Variants in AKR1B15 observed in about 807,000 individuals in gnomAD.
The protein encoded by AKR1B15 is aldo-keto reductase family 1 member B15, also known as estradiol 17-beta-dehydrogenase AKR1B15.
AKR1B15 carries 49 observed loss-of-function variants against 38.5 expected under a neutral mutation model. That is an observed-to-expected ratio of 1.27 (90% CI 1.01 to 1.62). The LOEUF is 1.62. Among genes scored for constraint, AKR1B15 ranks in the 40% most tolerant of loss-of-function variants. The pLI, the probability that AKR1B15 is intolerant of heterozygous loss-of-function variation, is 0.00. For missense variants in AKR1B15, 411 were observed against 381.6 expected, an observed-to-expected ratio of 1.08 and a Z score of -0.64; for synonymous variants, 137 against 135.5, an observed-to-expected ratio of 1.01 and a Z score of -0.08.
intron 3 of AKR1B15, among the ~76,000 whole-genome samples, chr7:134,567,519 A>G (rs1472318366): frequency 6.6e-6 from 1 of 151,626 alleles, no homozygotes; most frequent in Non-Finnish European, 1.5e-5. Context: ...ACAGCATGTC[A>G]TCACCACAAA....
intron 1 of AKR1B15, among the ~76,000 whole-genome samples, chr7:134,552,214 T>C (rs1794009974): frequency 6.6e-6 from 1 of 152,094 alleles, no homozygotes; most frequent in African/African-American, 2.4e-5. Context: ...GGCGTCCATC[T>C]CCTTCTCGGC....
In AKR1B15 at chr7:134,554,964, T is replaced by C. The variant is rs142115995; in HGVS notation, c.-146-1772T>C. Among the ~76,000 whole-genome samples the C allele has an allele frequency of 5.1e-3, 780 of 152,296 alleles. 5 individuals are homozygous for C. Among genetic ancestry groups the C allele is most frequent in the Non-Finnish European group, 9.5e-3 (648 of 68,018 alleles). On this transcript the variant is annotated intron_variant, in intron 1 of 11. Transcript: ENST00000457545. ...CAAGTAGAATGCATGAACCCCATCC[T>C]AAAAAGTACTCTTGCAAAATTAATC...
chr7:134,564,729 A>T lies in AKR1B15; in HGVS notation c.110A>T (p.Asp37Val), dbSNP rs1283653450. The T allele has an allele frequency of 1.4e-6, 1 of 696,146 alleles. No individual in the cohort carries two copies. Among genetic ancestry groups the T allele is most frequent in the Non-Finnish European group, 2.6e-6 (1 of 382,664 alleles). 43.1% of individuals were successfully genotyped at this position (696,146 alleles called of 1,614,324 possible). ...GGCCTAAAGAGTTCCCTTCTGAAGGACACTACAAGTGCAGGGCCCCTTCTT... is the reference window on the plus strand; with the variant it reads ...GGCCTAAAGAGTTCCCTTCTGAAGGTCACTACAAGTGCAGGGCCCCTTCTT... ...LTGLKSSLLK[D>V]TTSAGPLLRP... Residue 37 changes from aspartate to valine, a missense_variant, in exon 3 of 12, where the codon GAC becomes GTC. This residue lies in a region of AKR1B15 where 254 missense variants were observed against 212.4 expected (regional missense o/e 1.20). Coordinates refer to ENST00000457545, the MANE Select transcript of AKR1B15 (RefSeq NM_001080538.3).
intron 5 of AKR1B15, 134 bp downstream of exon 5, chr7:134,569,663 C>T: frequency 1.1e-6 from 1 of 878,328 alleles, no homozygotes; most frequent in Non-Finnish European, 1.8e-6. Flanking sequence ...TTTCTTAATT[C>T]CCCACATTAA....
At chr7:134,579,284 G>A (rs747657503) in intron 11 of AKR1B15, among the ~76,000 whole-genome samples, 2 of 152,104 alleles carry the variant, frequency 1.3e-5, no homozygotes, top group Non-Finnish European at 2.9e-5. Flanking sequence ...TTGTCATTAC[G>A]AGTTTATTCT....
chr7:134,568,288 A>C lies in AKR1B15; in HGVS notation c.281A>C (p.Lys94Thr), dbSNP rs758072997. The C allele has an allele frequency of 1.2e-6, 2 of 1,614,160 alleles. No individual in the cohort carries two copies. The highest frequency in any genetic ancestry group is 2.2e-5 in the South Asian group (2 of 91,082). Residue 94 changes from lysine (K) to threonine (T), a missense_variant, in exon 4 of 12, where the codon AAG becomes ACG. Lys to Thr is a moderately conservative substitution (Grantham distance 78). Transcript: ENST00000457545. ...GEAIQEKIQE[K>T]AVMREDLFIV... ...GCCATCCAAGAGAAGATCCAAGAGA[A>C]GGCTGTGATGCGGGAGGACCTGTTC...
At chr7:134,555,841 G>A (rs1231697720) in intron 1 of AKR1B15, among the ~76,000 whole-genome samples, 1 of 152,072 alleles carries the variant, frequency 6.6e-6, no homozygotes, top group African/African-American at 2.4e-5. Context: ...CCTTTGTCCT[G>A]GAAATCGCCC....
At chr7:134,560,942 A>AT (rs896955959) in intron 2 of AKR1B15, among the ~76,000 whole-genome samples, 1 of 152,158 alleles carries the variant, frequency 6.6e-6, no homozygotes, top group African/African-American at 2.4e-5. Flanking sequence ...GATAATCCTC[A>AT]TTTTTTCCTT....
chr7:134,564,442 T>G (rs1330802398), intron 2 of AKR1B15, among the ~76,000 whole-genome samples, 156 bp from the exon 3 acceptor site: 1 of 152,148 alleles, frequency 6.6e-6, no homozygotes, highest in Non-Finnish European at 1.5e-5. Context: ...AGGAAAAGGC[T>G]TCTGAAATCA....
chr7:134,579,299 C>T (rs573981244), intron 11 of AKR1B15, among the ~76,000 whole-genome samples: 9 of 152,256 alleles, frequency 5.9e-5, no homozygotes, highest in African/African-American at 2.2e-4. Context: ...TATTCTGCTG[C>T]CCTGCTCACT....
chr7:134,562,573 G>A (rs7803226), intron 2 of AKR1B15, among the ~76,000 whole-genome samples: 6,106 of 152,118 alleles, frequency 0.04, 151 homozygotes, highest in South Asian at 0.075. Context: ...CCTCTAGCTA[G>A]CCACAGAGCA....
intron 2 of AKR1B15, among the ~76,000 whole-genome samples, chr7:134,562,350 C>G (rs531324995): frequency 2.0e-5 from 3 of 152,140 alleles, no homozygotes; most frequent in Non-Finnish European, 4.4e-5. Flanking sequence ...CTGCTGGGGG[C>G]TGGGGTGACC....
In AKR1B15 at chr7:134,551,270, C is replaced by T. The variant is rs565952847; in HGVS notation, c.-147+2021C>T. 6.6e-5 allele frequency among the ~76,000 whole-genome samples: 10 copies of T among 152,286 alleles called. 1 individual carries two copies. The South Asian group carries it at 1.2e-3, about 19-fold the overall frequency. On this transcript the variant is annotated intron_variant, in intron 1 of 11. Transcript: ENST00000457545. ...TGGCCTCAGCCGGAGGAGGTGGCCC[C>T]GCTCCTCCCACTGACAGAGGCCCAA...
At chr7:134,575,013 A>G (rs543222875) in intron 6 of AKR1B15, among the ~76,000 whole-genome samples, 2 of 152,268 alleles carry the variant, frequency 1.3e-5, no homozygotes, top group Non-Finnish European at 2.9e-5. Flanking sequence ...CAATGTACAC[A>G]CACAACAGTA....
intron 2 of AKR1B15, among the ~76,000 whole-genome samples, chr7:134,557,643 A>G (rs1794245645): frequency 6.7e-6 from 1 of 150,222 alleles, no homozygotes; most frequent in African/African-American, 2.5e-5. Context: ...CTGCACCTGG[A>G]ACTGTTTATT....
chr7:134,566,211 G>A (rs1390229595), intron 3 of AKR1B15, among the ~76,000 whole-genome samples: 2 of 152,174 alleles, frequency 1.3e-5, no homozygotes, highest in African/African-American at 4.8e-5. Flanking sequence ...GAGATTGAGT[G>A]TTGAGCCTGA....
At chr7:134,576,573 T>C in intron 9 of AKR1B15, 143 bp downstream of exon 9, 3 of 988,508 alleles carry the variant, frequency 3.0e-6, no homozygotes, top group Non-Finnish European at 4.4e-6. Context: ...TTGAAGTCTG[T>C]TGGAACCTCT....
intron 11 of AKR1B15, 123 bp downstream of exon 11, chr7:134,577,909 T>G (rs1161612831): frequency 8.7e-7 from 1 of 1,145,938 alleles, no homozygotes; most frequent in Non-Finnish European, 1.2e-6. Context: ...TTTGGGGCAG[T>G]TTTGAAAGTT....
chr7:134,560,032 C>T (rs752392805), intron 2 of AKR1B15, among the ~76,000 whole-genome samples: 15 of 151,780 alleles, frequency 9.9e-5, no homozygotes, highest in East Asian at 3.9e-4. Flanking sequence ...TGCTTGAACC[C>T]GGGAGGCAGA....
Sources: gnomAD v4.1 joint callset for allele counts (sites outside exome capture counted in the v4.1 genomes callset) on GRCh38, gnomAD v4.1.1 for gene constraint, gnomAD v4.1.1 regional missense constraint, MANE v1.5 for transcripts, NCBI Gene and HGNC (gene_info 2026-07-23, HGNC 2026-07-21) for gene names.